Variants in TNFAIP8 observed in about 807,000 individuals in gnomAD.
TNFAIP8 encodes the protein TNF alpha induced protein 8, also known as tumor necrosis factor alpha-induced protein 8.
Under a neutral mutation model 13.3 loss-of-function variants are expected in TNFAIP8, and 7 were observed. That is an observed-to-expected ratio of 0.52 (90% CI 0.30 to 0.99). TNFAIP8 has a LOEUF of 0.99. Among genes scored for constraint, TNFAIP8 ranks in the 50% least tolerant of loss-of-function variants. TNFAIP8 has a pLI of 0.07. For synonymous variants in TNFAIP8, 94 were observed against 87.6 expected, an observed-to-expected ratio of 1.07 and a Z score of -0.41; for missense variants, 258 against 236.9, an observed-to-expected ratio of 1.09 and a Z score of -0.58.
chr5:119,353,749 C>T (rs1463101802), upstream of TNFAIP8, among the ~76,000 whole-genome samples: 1 of 152,180 alleles, frequency 6.6e-6, no homozygotes, highest in East Asian at 1.9e-4. Flanking sequence ...GGTTTGTCCC[C>T]AGTTGGACTT....
Position 119,394,019 on chromosome 5 carries a change from G to T in TNFAIP8, c.*638G>T, listed in dbSNP as rs1753002328. On this transcript the variant is annotated 3_prime_UTR_variant, in exon 2 of 2. Transcript: ENST00000504771. ...AGTATAAGAATATGCTTCTGGAATT[G>T]AGTTCTCCTTTTAAGTACCAATGAT... is the stretch of plus-strand genomic sequence containing the variant. The T allele has an allele frequency of 6.6e-6, 1 of 152,140 alleles. No individual in the cohort carries two copies. The highest frequency in any genetic ancestry group is 6.5e-5 in the Admixed American group (1 of 15,270). The allele number at this position is 152,140 out of a possible 1,614,324, so 9.4% of individuals were successfully genotyped here.
chr5:119,326,753 G>T (rs1293133476), intron 1 of TNFAIP8, among the ~76,000 whole-genome samples: 1 of 152,176 alleles, frequency 6.6e-6, no homozygotes, highest in Non-Finnish European at 1.5e-5. Flanking sequence ...GGCTGGAAAT[G>T]AAGAGAAAGC....
rs940381829 is a variant in TNFAIP8 at position 119,397,638 on chromosome 5, A to C, written c.*4257A>C. On this transcript the variant is annotated 3_prime_UTR_variant, in exon 2 of 2. Transcript: ENST00000504771. ...AATTGTACTTTCTGTGATTCAGATA[A>C]AAACTTTATAGAAACTCCCTAATGA... The C allele has an allele frequency of 1.3e-5, 2 of 152,236 alleles. No individual in the cohort carries two copies. Among genetic ancestry groups the C allele is most frequent in the African/African-American group, 4.8e-5 (2 of 41,460 alleles). 9.4% of individuals were successfully genotyped at this position (152,236 alleles called of 1,614,324 possible).
In TNFAIP8 at chr5:119,397,950, C is replaced by G. The variant is rs1320937228; in HGVS notation, c.*4569C>G. 6.6e-6 allele frequency: 1 copy of G among 152,216 alleles called. No individual in the cohort carries two copies. Among genetic ancestry groups the G allele is most frequent in the African/African-American group, 2.4e-5 (1 of 41,452 alleles). The allele number at this position is 152,216 out of a possible 1,614,324, so 9.4% of individuals were successfully genotyped here. A position where few individuals can be genotyped will look rare whatever the true frequency, so the allele number is the denominator to read the frequency against. The stretch of plus-strand genomic sequence containing the variant: ...TCCACGTAGCAAAGAACATCAGCCC[C>G]ACGTTATAGGGAACAAGCGAGTCCC... On this transcript the variant is annotated 3_prime_UTR_variant, in exon 2 of 2. Coordinates refer to ENST00000504771, the MANE Select transcript of TNFAIP8 (RefSeq NM_014350.4).
intron 1 of TNFAIP8, among the ~76,000 whole-genome samples, chr5:119,383,968 A>T (rs1229371575): frequency 6.6e-6 from 1 of 152,144 alleles, no homozygotes. Context: ...ACTTAGCTAG[A>T]CATTATTAGA....
In TNFAIP8 at chr5:119,399,254, G is replaced by GTTT. The variant is rs1753142182; in HGVS notation, c.*5873_*5874insTTT. ...AGTGTGGCCAGATGGAACCCAGCAG[G>GTTT]GTACAGAGGGCATTTGTGGGAGCAG... is the stretch of plus-strand genomic sequence containing the variant. On this transcript the variant is annotated 3_prime_UTR_variant, in exon 2 of 2. Transcript: ENST00000504771. 2 of 152,174 alleles carry GTTT rather than the reference G, an allele frequency of 1.3e-5. No homozygotes were observed. Among genetic ancestry groups the GTTT allele is most frequent in the African/African-American group, 2.4e-5 (1 of 41,446 alleles). The allele number at this position is 152,174 out of a possible 1,614,324, so 9.4% of individuals were successfully genotyped here.
At chr5:119,274,608 C>G (rs1203323817) in intron 1 of TNFAIP8, among the ~76,000 whole-genome samples, 1 of 152,190 alleles carries the variant, frequency 6.6e-6, no homozygotes, top group Non-Finnish European at 1.5e-5. Context: ...CCTGGAATGA[C>G]TGATAGTGCC....
intron 1 of TNFAIP8, among the ~76,000 whole-genome samples, chr5:119,312,575 A>C (rs996100170): frequency 3.7e-4 from 57 of 152,068 alleles, no homozygotes; most frequent in African/African-American, 1.4e-3. Context: ...ATTTGTTTAA[A>C]GGGAAGAGTG....
intron 1 of TNFAIP8, among the ~76,000 whole-genome samples, chr5:119,335,422 C>T (rs1035127649): frequency 1.3e-5 from 2 of 152,108 alleles, no homozygotes; most frequent in East Asian, 1.9e-4. Flanking sequence ...AGGTATGGAG[C>T]GAGCAGGAAG....
intron 1 of TNFAIP8, among the ~76,000 whole-genome samples, chr5:119,350,677 A>C (rs558245045): frequency 1.2e-4 from 19 of 152,324 alleles, no homozygotes; most frequent in African/African-American, 4.1e-4. Context: ...GATGTCAGCA[A>C]TTCTTCCCAT....
chr5:119,379,261 C>G (rs749023191), intron 1 of TNFAIP8, among the ~76,000 whole-genome samples: 1 of 152,028 alleles, frequency 6.6e-6, no homozygotes, highest in Non-Finnish European at 1.5e-5. Flanking sequence ...TAGTGCACCC[C>G]ATGCTAGCTG....
intron 1 of TNFAIP8, among the ~76,000 whole-genome samples, chr5:119,337,375 T>C (rs1488757019): frequency 6.6e-6 from 1 of 152,220 alleles, no homozygotes; most frequent in African/African-American, 2.4e-5. Context: ...TAGCATTGAT[T>C]TGCTTCCTTT....
At chr5:119,352,156 C>A (rs1751192210), upstream of TNFAIP8, among the ~76,000 whole-genome samples, 1 of 152,076 alleles carries the variant, frequency 6.6e-6, no homozygotes, top group African/African-American at 2.4e-5. Flanking sequence ...TGGAGAGATA[C>A]CCACTTAGGC....
intron 1 of TNFAIP8, among the ~76,000 whole-genome samples, chr5:119,374,912 T>C (rs1326092968): frequency 1.3e-5 from 2 of 152,176 alleles, no homozygotes; most frequent in African/African-American, 4.8e-5. Flanking sequence ...TTAGAACCTT[T>C]TGGGGGCCAA....
rs1467902062 is a variant in TNFAIP8 at position 119,333,512 on chromosome 5, G to T, written c.2-59304G>T. 4.0e-6 allele frequency: 6 copies of T among 1,514,774 alleles called. No individual in the cohort carries two copies. The African/African-American group carries it at 4.1e-5, about 10-fold the overall frequency. 93.8% of individuals were successfully genotyped at this position (1,514,774 alleles called of 1,614,324 possible). A position where few individuals can be genotyped will look rare whatever the true frequency, so the allele number is the denominator to read the frequency against. Reference sequence around the variant, plus strand: ...ACTGAGTCTCCCCGAGGGTGATGCAGGTTCCATAGTGTACACGTCAACAGG... The same window carrying T: ...ACTGAGTCTCCCCGAGGGTGATGCATGTTCCATAGTGTACACGTCAACAGG... On this transcript the variant is annotated intron_variant, in intron 1 of 1. Coordinates refer to the TNFAIP8 transcript ENST00000274456.
intron 1 of TNFAIP8, among the ~76,000 whole-genome samples, chr5:119,321,403 C>CCA (rs74284134): frequency 0.32 from 49,190 of 151,940 alleles, 8,778 homozygotes; most frequent in African/African-American, 0.47. Context: ...AGGATAAATA[C>CCA]AATACTAATA....
chr5:119,298,685 A>G (rs1040940359), intron 1 of TNFAIP8, among the ~76,000 whole-genome samples: 1 of 152,058 alleles, frequency 6.6e-6, no homozygotes, highest in African/African-American at 2.4e-5. Flanking sequence ...TCTCCTGGAT[A>G]CTATCCTGCA....
intron 1 of TNFAIP8, among the ~76,000 whole-genome samples, chr5:119,324,579 G>A (rs967394214): frequency 7.9e-5 from 12 of 152,052 alleles, no homozygotes; most frequent in African/African-American, 2.7e-4. Flanking sequence ...TGCCCCAGCC[G>A]CCTCCTGATT....
rs1181571544 is a variant in TNFAIP8, at chr5:119,397,637, A to G, written c.*4256A>G. On this transcript the variant is annotated 3_prime_UTR_variant, in exon 2 of 2. Coordinates refer to ENST00000504771, the MANE Select transcript of TNFAIP8 (RefSeq NM_014350.4). ...TAATTGTACTTTCTGTGATTCAGAT[A>G]AAAACTTTATAGAAACTCCCTAATG... The G allele has an allele frequency of 6.6e-6, 1 of 152,232 alleles. No individual in the cohort carries two copies. The highest frequency in any genetic ancestry group is 1.5e-5 in the Non-Finnish European group (1 of 68,030). The allele number at this position is 152,232 out of a possible 1,614,324, so 9.4% of individuals were successfully genotyped here.
Sources: allele counts gnomAD v4.1 joint callset (sites outside exome capture counted in the v4.1 genomes callset), GRCh38; gene constraint gnomAD v4.1.1; transcripts MANE v1.5; gene names NCBI Gene and HGNC (gene_info 2026-07-23, HGNC 2026-07-21).